Variants in LNX2 observed in about 807,000 individuals in gnomAD.
LNX2 encodes the protein ligand of Numb protein X 2.
Under a neutral mutation model 66.2 loss-of-function variants are expected in LNX2, and 35 were observed. The ratio of observed to expected loss-of-function variants is 0.53; its 90% CI spans 0.40 to 0.70. The LOEUF is 0.70. Ranked by LOEUF, LNX2 falls within the 30% of genes least tolerant of loss-of-function variation. The probability of loss-of-function intolerance (pLI) is 0.00; values close to 1 mark genes in which losing one functional copy is unlikely to be tolerated. For missense variants in LNX2, 791 were observed against 850.8 expected, an observed-to-expected ratio of 0.93 and a Z score of 0.87; for synonymous variants, 337 against 315.6, an observed-to-expected ratio of 1.07 and a Z score of -0.72.
chr13:27,572,595 C>G (rs1325338979), intron 2 of LNX2, among the ~76,000 whole-genome samples: 1 of 152,192 alleles, frequency 6.6e-6, no homozygotes, highest in Non-Finnish European at 1.5e-5. Context: ...TCCTTTCCTG[C>G]TGAAGGTTGT....
chr13:27,552,520 G>A (rs73446818), intron 8 of LNX2, among the ~76,000 whole-genome samples: 4,820 of 152,154 alleles, frequency 0.032, 277 homozygotes, highest in African/African-American at 0.11. Flanking sequence ...TCTTAGGTAC[G>A]GTAAGAATCT....
intron 1 of LNX2, among the ~76,000 whole-genome samples, chr13:27,600,259 A>G (rs931507345): frequency 6.6e-6 from 1 of 152,196 alleles, no homozygotes; most frequent in South Asian, 2.1e-4. Context: ...CATGTCAAAA[A>G]CAGTGTACAT....
In LNX2 at chr13:27,581,519, T is replaced by C; in HGVS notation, c.185A>G (p.Asp62Gly). ...ICLQPLLQPL[D>G]TPCGHTFCYK... Reference sequence around the variant, plus strand: ...GCAGAATGTATGTCCACAGGGTGTGTCTAGTGGCTGCAGCAGAGGTTGAAG... The same window carrying C: ...GCAGAATGTATGTCCACAGGGTGTGCCTAGTGGCTGCAGCAGAGGTTGAAG... Residue 62 changes from aspartate (D) to glycine (G), a missense_variant, in exon 2 of 10, where the codon GAC becomes GGC. Physicochemically the swap from Asp to Gly is moderately conservative, Grantham distance 94 (BLOSUM62 -1). Coordinates refer to ENST00000316334, the MANE Select transcript of LNX2 (RefSeq NM_153371.4). The C allele has an allele frequency of 1.2e-6, 2 of 1,614,150 alleles. No homozygotes were observed. The highest frequency in any genetic ancestry group is 1.7e-6 in the Non-Finnish European group (2 of 1,180,002).
rs138203142 is a variant in LNX2, at chr13:27,558,997, A to C, written c.1368+845T>G. On this transcript the variant is annotated intron_variant, in intron 6 of 9. Coordinates refer to ENST00000316334, the MANE Select transcript of LNX2 (RefSeq NM_153371.4). ...TAAAGCAATTTAATTTTACTTAAGG[A>C]GAATTACTCTGGTAGGTCACATTTA... Among the ~76,000 whole-genome samples, 897 of 152,274 alleles carry C rather than the reference A, an allele frequency of 5.9e-3. 34 individuals are homozygous for C. The highest frequency in any genetic ancestry group is 0.053 in the Admixed American group (806 of 15,304).
In LNX2 at chr13:27,581,524, T is replaced by C. The variant is rs543940603; in HGVS notation, c.180A>G (p.Pro60=). ...CHICLQPLLQ[P]LDTPCGHTFC... ...ATGTATGTCCACAGGGTGTGTCTAG[T>C]GGCTGCAGCAGAGGTTGAAGGCAAA... is the stretch of plus-strand genomic sequence containing the variant. Residue 60 remains proline (P), a synonymous_variant, in exon 2 of 10, where the codon CCA becomes CCG. Coordinates refer to ENST00000316334, the MANE Select transcript of LNX2 (RefSeq NM_153371.4). 2.0e-5 allele frequency: 33 copies of C among 1,614,170 alleles called. No individual in the cohort carries two copies. The South Asian group carries it at 3.4e-4, about 17-fold the overall frequency.
At chr13:27,559,636 C>T (rs1228328198) in intron 6 of LNX2, among the ~76,000 whole-genome samples, 1 of 152,160 alleles carries the variant, frequency 6.6e-6, no homozygotes, top group African/African-American at 2.4e-5. Flanking sequence ...ACAAAGCAGT[C>T]ACTTTCCAAG....
Position 27,553,373 on chromosome 13 carries a change from A to T in LNX2, c.1613T>A (p.Met538Lys). Residue 538 changes from methionine (M) to lysine (K), a missense_variant, in exon 8 of 10, where the codon ATG becomes AAG. By Grantham distance (95) the Met-to-Lys change is moderately conservative (BLOSUM62 -1). Coordinates refer to ENST00000316334, the MANE Select transcript of LNX2 (RefSeq NM_153371.4). ...TNLSHSEAVA[M>K]LKASAASPAV... ...AGGGGACGCGGCACTGGCTTTCAGCATTGCAACTGCCTCACTGTGACTTAA... is the reference window on the plus strand; with the variant it reads ...AGGGGACGCGGCACTGGCTTTCAGCTTTGCAACTGCCTCACTGTGACTTAA... The T allele has an allele frequency of 6.2e-7, 1 of 1,614,190 alleles. No homozygotes were observed. Among genetic ancestry groups the T allele is most frequent in the Non-Finnish European group, 8.5e-7 (1 of 1,180,044 alleles).
chr13:27,617,846 A>C (rs1955843886), intron 1 of LNX2, among the ~76,000 whole-genome samples: 1 of 152,078 alleles, frequency 6.6e-6, no homozygotes, highest in Non-Finnish European at 1.5e-5. Flanking sequence ...CTCTACCATC[A>C]ATTGTTTTTA....
chr13:27,620,312 G>A (rs532472060), intron 1 of LNX2, 63 bp downstream of exon 1: 11 of 152,140 alleles, frequency 7.2e-5, no homozygotes, highest in Admixed American at 7.2e-4. Context: ...GCCCGCACCT[G>A]AGGCGGCTGC....
Position 27,554,457 on chromosome 13 carries a change from C to G in LNX2, c.1547-1018G>C, listed in dbSNP as rs549275204. 2.0e-5 allele frequency among the ~76,000 whole-genome samples: 3 copies of G among 152,324 alleles called. No homozygotes were observed. In the South Asian group the frequency reaches 6.2e-4, roughly 32 times the overall value. On this transcript the variant is annotated intron_variant, in intron 7 of 9. Coordinates refer to ENST00000316334, the MANE Select transcript of LNX2 (RefSeq NM_153371.4). ...CTACTTTCTGTCTCTACAGATTTGC[C>G]TCTTCTGAACATTTCATGTAAATGG...
rs1955152629 is a variant in LNX2, at chr13:27,562,758, A to G, written c.879T>C (p.Asn293=). ...ILQVNNYNIS[N]VSHNYARAVL... is the part of the protein sequence containing the mutation. ...CAGCTCGGGCATAGTTATGGGACACATTGCTGATATTGTAGTTGTTGACCT... is the reference window on the plus strand; with the variant it reads ...CAGCTCGGGCATAGTTATGGGACACGTTGCTGATATTGTAGTTGTTGACCT... Residue 293 remains asparagine, a synonymous_variant, in exon 5 of 10, where the codon AAT becomes AAC. Coordinates refer to ENST00000316334, the MANE Select transcript of LNX2 (RefSeq NM_153371.4). 3 of 1,611,118 alleles carry G rather than the reference A, an allele frequency of 1.9e-6. No homozygotes were observed. Among genetic ancestry groups the G allele is most frequent in the African/African-American group, 1.3e-5 (1 of 74,852 alleles).
chr13:27,608,981 C>T (rs984073341), intron 1 of LNX2, among the ~76,000 whole-genome samples: 4 of 151,502 alleles, frequency 2.6e-5, no homozygotes, highest in Non-Finnish European at 5.9e-5. Flanking sequence ...ATTTTTGTGA[C>T]GGGGTTTTGC....
intron 1 of LNX2, among the ~76,000 whole-genome samples, chr13:27,602,000 A>G (rs1192521176): frequency 6.6e-6 from 1 of 152,174 alleles, no homozygotes; most frequent in Non-Finnish European, 1.5e-5. Flanking sequence ...TGTTTTATCA[A>G]CTTCATGATC....
chr13:27,587,875 GC>G (rs1168464306), intron 1 of LNX2, among the ~76,000 whole-genome samples: 1 of 152,058 alleles, frequency 6.6e-6, no homozygotes, highest in Non-Finnish European at 1.5e-5. Context: ...CAAAAAATTA[GC>G]CGGGCATGGT....
intron 5 of LNX2, among the ~76,000 whole-genome samples, chr13:27,561,799 T>G (rs1241087691): frequency 1.3e-5 from 2 of 152,248 alleles, no homozygotes; most frequent in African/African-American, 4.8e-5. Flanking sequence ...TATGGCATGT[T>G]GCAGAATGTA....
chr13:27,585,000 C>A (rs925823505), intron 1 of LNX2, among the ~76,000 whole-genome samples: 5 of 151,732 alleles, frequency 3.3e-5, no homozygotes, highest in African/African-American at 7.3e-5. Flanking sequence ...TGGCTGTAGT[C>A]CCAACTACTT....
chr13:27,574,163 A>G (rs906436156), intron 2 of LNX2, among the ~76,000 whole-genome samples: 17 of 152,246 alleles, frequency 1.1e-4, no homozygotes, highest in African/African-American at 4.1e-4. Flanking sequence ...AAGTTTAATG[A>G]AAAAGAATGC....
intron 1 of LNX2, among the ~76,000 whole-genome samples, chr13:27,597,777 G>C (rs544926892): frequency 4.5e-4 from 68 of 152,248 alleles, no homozygotes; most frequent in South Asian, 1.0e-3. Context: ...TTTTAAAAGA[G>C]AGAAAGAAGA....
chr13:27,586,329 C>A (rs1955486825), intron 1 of LNX2, among the ~76,000 whole-genome samples: 1 of 152,064 alleles, frequency 6.6e-6, no homozygotes, highest in Non-Finnish European at 1.5e-5. Context: ...GAAAGATATT[C>A]CAGGAAAGCT....
Sources: gnomAD v4.1 joint callset for allele counts (sites outside exome capture counted in the v4.1 genomes callset) on GRCh38, gnomAD v4.1.1 for gene constraint, MANE v1.5 for transcripts, NCBI Gene and HGNC (gene_info 2026-07-23, HGNC 2026-07-21) for gene names.